CEP128: variants seen among roughly 807,000 people sequenced by gnomAD.
CEP128 encodes the protein centrosomal protein 128kDa.
A neutral mutation model predicts 156.7 loss-of-function variants in CEP128; 132 were observed. The observed-to-expected ratio is 0.84, with a 90% CI of 0.73 to 0.97. The LOEUF (loss-of-function observed/expected upper bound fraction) is 0.97, where lower values mean the gene tolerates loss of function less well. Ranked by LOEUF, CEP128 falls within the 50% of genes least tolerant of loss-of-function variation. The probability of loss-of-function intolerance (pLI) is 0.00; values close to 1 mark genes in which losing one functional copy is unlikely to be tolerated. For synonymous variants in CEP128, 469 were observed against 448.9 expected (o/e 1.04, Z -0.57); for missense variants, 1,252 against 1,281.9 (o/e 0.98, Z 0.36).
At chr14:80,517,844 T>C (rs778859856) in intron 23 of CEP128, among the ~76,000 whole-genome samples, 52 of 152,124 alleles carry the variant, frequency 3.4e-4, no homozygotes, top group Non-Finnish European at 7.3e-4. Context: ...ATCTGGGCAC[T>C]GAGCCGTGCA....
chr14:80,687,737 T>G (rs770862548), intron 19 of CEP128, among the ~76,000 whole-genome samples: 15 of 151,978 alleles, frequency 9.9e-5, no homozygotes, highest in Non-Finnish European at 1.5e-4. Flanking sequence ...AAATAAAATT[T>G]AAAAGAAAAA....
chr14:80,730,539 A>G (rs975467478), intron 19 of CEP128, among the ~76,000 whole-genome samples: 6 of 152,220 alleles, frequency 3.9e-5, no homozygotes, highest in African/African-American at 1.4e-4. Context: ...ATCATAAATT[A>G]TATGTATACC....
intron 11 of CEP128, among the ~76,000 whole-genome samples, 170 bp from the exon 12 acceptor site, chr14:80,836,507 T>C (rs1886085458): frequency 6.6e-6 from 1 of 152,164 alleles, no homozygotes. Flanking sequence ...AAAGAATAAA[T>C]GAATGGCTTT....
intron 2 of CEP128, among the ~76,000 whole-genome samples, chr14:80,928,218 A>G (rs1885256809): frequency 6.6e-6 from 1 of 152,250 alleles, no homozygotes; most frequent in African/African-American, 2.4e-5. Flanking sequence ...TAATTCTGGC[A>G]ATATGAAAGA....
intron 1 of CEP128, among the ~76,000 whole-genome samples, chr14:80,940,675 CA>C (rs1272963126): frequency 1.2e-3 from 70 of 59,260 alleles, no homozygotes; most frequent in Admixed American, 4.2e-3. Context: ...CCAGACTCCT[CA>C]AAAAAAAAAA....
At chr14:80,696,771 C>T (rs1896906013) in intron 19 of CEP128, among the ~76,000 whole-genome samples, 1 of 151,848 alleles carries the variant, frequency 6.6e-6, no homozygotes, top group South Asian at 2.1e-4. Context: ...AGAGTTTAAA[C>T]AAACAAACAA....
chr14:80,654,853 G>T (rs559407455), intron 19 of CEP128, among the ~76,000 whole-genome samples: 38 of 151,674 alleles, frequency 2.5e-4, no homozygotes, highest in Non-Finnish European at 7.4e-5. Context: ...GCTTTAACAC[G>T]TCCTTTAGAG....
chr14:80,810,584 T>A (rs1249812153), intron 13 of CEP128, among the ~76,000 whole-genome samples: 1 of 152,150 alleles, frequency 6.6e-6, no homozygotes, highest in East Asian at 1.9e-4. Context: ...TCAGGAATGT[T>A]GGCCTGTAGT....
At chr14:80,784,016 T>A (rs763894568) in intron 15 of CEP128, among the ~76,000 whole-genome samples, 1 of 152,182 alleles carries the variant, frequency 6.6e-6, no homozygotes, top group East Asian at 1.9e-4. Flanking sequence ...TATCATTTCA[T>A]CTTAAATCAT....
rs184525138 is a variant in CEP128, at chr14:80,535,209, T to G, written c.2881-4323A>C. 5.9e-5 allele frequency among the ~76,000 whole-genome samples: 9 copies of G among 152,306 alleles called. No homozygotes were observed. The East Asian group carries it at 1.5e-3, about 26-fold the overall frequency. Reference sequence around the variant, plus strand: ...ATAAGAGATAGGTACGTATTATTGTTATCATCATTATACAGATAAGGCAAT... The same window carrying G: ...ATAAGAGATAGGTACGTATTATTGTGATCATCATTATACAGATAAGGCAAT... On this transcript the variant is annotated intron_variant, in intron 21 of 24. Coordinates refer to ENST00000555265, the MANE Select transcript of CEP128 (RefSeq NM_152446.5).
intron 19 of CEP128, among the ~76,000 whole-genome samples, chr14:80,617,219 C>CTATTTTTT (rs1893254371): frequency 1.7e-5 from 1 of 60,216 alleles, no homozygotes; most frequent in African/African-American, 6.5e-5. Flanking sequence ...TGAATATCAT[C>CTATTTTTT]TTTTTTTTTT....
At chr14:80,699,083 T>C (rs1221987454) in intron 19 of CEP128, among the ~76,000 whole-genome samples, 1 of 152,178 alleles carries the variant, frequency 6.6e-6, no homozygotes, top group Non-Finnish European at 1.5e-5. Context: ...TAAAATCCGA[T>C]AGACCTGATA....
intron 19 of CEP128, among the ~76,000 whole-genome samples, chr14:80,711,576 G>A (rs1217781692): frequency 6.6e-6 from 1 of 152,068 alleles, no homozygotes; most frequent in African/African-American, 2.4e-5. Flanking sequence ...CAGTGTGGGG[G>A]TTGCAGGGAA....
intron 13 of CEP128, among the ~76,000 whole-genome samples, chr14:80,811,361 C>T (rs1282495038): frequency 6.6e-6 from 1 of 152,158 alleles, no homozygotes; most frequent in African/African-American, 2.4e-5. Context: ...GCCACTCTGT[C>T]TTCCAGAATG....
At chr14:80,818,186 A>C (rs1884972905) in intron 13 of CEP128, among the ~76,000 whole-genome samples, 2 of 152,016 alleles carry the variant, frequency 1.3e-5, no homozygotes, top group Admixed American at 1.3e-4. Context: ...TGCCTGGCTA[A>C]ATTTTGCTTT....
At chr14:80,932,168 G>A (rs1594861947) in intron 2 of CEP128, among the ~76,000 whole-genome samples, 1 of 152,318 alleles carries the variant, frequency 6.6e-6, no homozygotes, top group East Asian at 1.9e-4. Flanking sequence ...ACGATTGTAG[G>A]TTTCCTGAGG....
intron 16 of CEP128, among the ~76,000 whole-genome samples, chr14:80,777,050 T>G (rs1187683547): frequency 5.3e-5 from 8 of 152,194 alleles, no homozygotes; most frequent in Non-Finnish European, 1.2e-4. Flanking sequence ...AATTAATAGT[T>G]ACAGTGCCTA....
At chr14:80,832,904 T>C (rs982839758) in intron 12 of CEP128, among the ~76,000 whole-genome samples, 3 of 152,174 alleles carry the variant, frequency 2.0e-5, no homozygotes, top group African/African-American at 4.8e-5. Context: ...ACATTTTCTA[T>C]AAAGGATCAG....
At chr14:80,884,193 A>T (rs1193838569) in intron 8 of CEP128, among the ~76,000 whole-genome samples, 1 of 152,222 alleles carries the variant, frequency 6.6e-6, no homozygotes, top group Non-Finnish European at 1.5e-5. Context: ...TAATAATCCA[A>T]AAAGCACAGG....
Sources: allele counts gnomAD v4.1 joint callset (sites outside exome capture counted in the v4.1 genomes callset), GRCh38; gene constraint gnomAD v4.1.1; transcripts MANE v1.5; gene names NCBI Gene and HGNC (gene_info 2026-07-23, HGNC 2026-07-21).